Variants in CSTF3 observed in about 807,000 individuals in gnomAD.
CSTF3 encodes the protein CF-1 77 kDa subunit.
In CSTF3, 29 loss-of-function variants were observed where a neutral mutation model predicts 105.8. The ratio of observed to expected loss-of-function variants is 0.27; its 90% CI spans 0.20 to 0.37. The LOEUF is 0.37. Ranked by LOEUF, CSTF3 falls within the 10% of genes least tolerant of loss-of-function variation. The probability of loss-of-function intolerance (pLI) is 1.00; values close to 1 mark genes in which losing one functional copy is unlikely to be tolerated. For synonymous variants in CSTF3, 252 were observed against 281.9 expected (o/e 0.89, Z 1.06); for missense variants, 357 against 879.3 (o/e 0.41, Z 7.51).
Position 33,099,972 on chromosome 11 carries a change from C to T in CSTF3, c.827-255G>A, listed in dbSNP as rs771334450. ...GCAGTGGCACAAATATGGTTCACTGCAGCCTCGACCTCCTGGGCTCAAGTG... is the reference window on the plus strand; with the variant it reads ...GCAGTGGCACAAATATGGTTCACTGTAGCCTCGACCTCCTGGGCTCAAGTG... On this transcript the variant is annotated intron_variant, in intron 10 of 20. Transcript: ENST00000323959. This position sits in a 1 kb window ranked among gnomAD's most constrained non-coding sequence, Gnocchi z 4.1. 2.6e-4 allele frequency among the ~76,000 whole-genome samples: 39 copies of T among 152,258 alleles called. No homozygotes were observed. Among genetic ancestry groups the T allele is most frequent in the Admixed American group, 1.8e-3 (28 of 15,296 alleles).
rs146477554 is a variant in CSTF3, at chr11:33,113,453, C to T, written c.226-5035G>A. On this transcript the variant is annotated intron_variant, in intron 3 of 20. Transcript: ENST00000323959. ...ATTGCTTGAGCCCAGAAGTTTAAGG[C>T]TGCAGTGTGCTATGATCACACCATT... 5.4e-3 allele frequency among the ~76,000 whole-genome samples: 816 copies of T among 151,964 alleles called. 7 individuals carry two copies. Among genetic ancestry groups the T allele is most frequent in the African/African-American group, 0.019 (780 of 41,448 alleles).
At chr11:33,104,880 T>A (rs775296457) in intron 8 of CSTF3, among the ~76,000 whole-genome samples, 1 of 152,210 alleles carries the variant, frequency 6.6e-6, no homozygotes, top group Non-Finnish European at 1.5e-5. Context: ...CTACCCTATA[T>A]AGTTCTTCCA....
At chr11:33,100,409 C>T (rs1308818373) in intron 10 of CSTF3, among the ~76,000 whole-genome samples, 2 of 150,832 alleles carry the variant, frequency 1.3e-5, no homozygotes, top group African/African-American at 4.9e-5. Context: ...GTTGCCAAGG[C>T]TTGTCTTGAA....
chr11:33,125,973 A>C (rs1163623749), intron 3 of CSTF3, among the ~76,000 whole-genome samples: 1 of 152,222 alleles, frequency 6.6e-6, no homozygotes, highest in African/African-American at 2.4e-5. Context: ...TTTCAGTGAG[A>C]GAGCTAATCT....
intron 8 of CSTF3, 134 bp from the exon 9 acceptor site, chr11:33,103,318 C>G (rs994775696): frequency 6.5e-6 from 3 of 459,864 alleles, no homozygotes; most frequent in Non-Finnish European, 1.1e-5. Flanking sequence ...AAGGTTCATA[C>G]AGCTCATGAA....
intron 3 of CSTF3, among the ~76,000 whole-genome samples, chr11:33,112,805 C>A (rs575743285): frequency 2.0e-5 from 3 of 152,228 alleles, no homozygotes; most frequent in South Asian, 2.1e-4. Context: ...AAAAAAAATT[C>A]TTGATACCTA....
chr11:33,114,739 T>C (rs1247135034), intron 3 of CSTF3, among the ~76,000 whole-genome samples: 2 of 151,902 alleles, frequency 1.3e-5, no homozygotes. Flanking sequence ...TAATCCCAGC[T>C]ACTTGGGAGG....
At chr11:33,113,206 A>AAAATAAATAAATAAAT (rs61101354) in intron 3 of CSTF3, among the ~76,000 whole-genome samples, 86 of 147,250 alleles carry the variant, frequency 5.8e-4, no homozygotes, top group African/African-American at 1.9e-3. Context: ...ACTTTGTCTC[A>AAAATAAATAAATAAAT]AAATAAATAA....
At chr11:33,085,587 G>T in intron 20 of CSTF3, 126 bp downstream of exon 20, 1 of 823,614 alleles carries the variant, frequency 1.2e-6, no homozygotes, top group Non-Finnish European at 2.0e-6. Context: ...GGTAACTCCT[G>T]GGTTTCACTG....
At chr11:33,154,330 A>G (rs1259862755) in intron 1 of CSTF3, among the ~76,000 whole-genome samples, 1 of 152,144 alleles carries the variant, frequency 6.6e-6, no homozygotes, top group Non-Finnish European at 1.5e-5. Flanking sequence ...GTCACGTTTC[A>G]TTAAAAATAA....
chr11:33,133,732 T>C (rs1316750225), intron 3 of CSTF3, among the ~76,000 whole-genome samples: 1 of 152,078 alleles, frequency 6.6e-6, no homozygotes, highest in East Asian at 1.9e-4. Context: ...GTCCCAGCTA[T>C]TCAGGAGGCT....
chr11:33,088,224 A>AAAT (rs1247708990), intron 17 of CSTF3, among the ~76,000 whole-genome samples: 1 of 152,154 alleles, frequency 6.6e-6, no homozygotes, highest in Admixed American at 6.5e-5. Context: ...AAAAGAGTAG[A>AAAT]AATAGAAATA....
intron 3 of CSTF3, among the ~76,000 whole-genome samples, chr11:33,123,043 T>C (rs559729285): frequency 6.6e-6 from 1 of 152,028 alleles, no homozygotes; most frequent in African/African-American, 2.4e-5. Context: ...TTCCTTCCAT[T>C]TCTGACAATG....
chr11:33,085,663 T>G, intron 20 of CSTF3, 50 bp downstream of exon 20: 629 of 1,470,494 alleles, frequency 4.3e-4, no homozygotes, highest in Non-Finnish European at 5.5e-4. Flanking sequence ...CTACTGCCTA[T>G]GAGACAACAA....
chr11:33,136,174 G>A (rs1855651081), intron 3 of CSTF3: 1 of 152,280 alleles, frequency 6.6e-6, no homozygotes, highest in South Asian at 2.1e-4. Context: ...TGTATTCAAA[G>A]CAAATATTCA....
chr11:33,161,401 C>A lies in CSTF3; in HGVS notation c.-76G>T. On this transcript the variant is annotated 5_prime_UTR_variant, in exon 1 of 21. Transcript: ENST00000323959. ...AAGAAAAATTAAACTAAAAACCACC[C>A]CCAAATCAGTAAAGTTACCCCCTGC... The A allele has an allele frequency of 1.3e-6, 2 of 1,537,236 alleles. No individual in the cohort carries two copies. Among genetic ancestry groups the A allele is most frequent in the East Asian group, 4.5e-5 (2 of 44,380 alleles).
rs1855094615 is a variant in CSTF3, at chr11:33,085,385, TAGC to T, written c.1952-99_1952-97del. 12 of 1,016,182 alleles carry T rather than the reference TAGC, an allele frequency of 1.2e-5. No homozygotes were observed. The South Asian group carries it at 1.7e-4, about 14-fold the overall frequency. 62.9% of individuals were successfully genotyped at this position (1,016,182 alleles called of 1,614,324 possible). A position where few individuals can be genotyped will look rare whatever the true frequency, so the allele number is the denominator to read the frequency against. ...TACTTTATTTCATAGCCTACTATTT[TAGC>T]AAAACATGGGATAGTACTACTGATA... On this transcript the variant is annotated intron_variant, in intron 20 of 20. Transcript: ENST00000323959.
intron 3 of CSTF3, among the ~76,000 whole-genome samples, chr11:33,120,589 T>C (rs1855476223): frequency 6.6e-6 from 1 of 151,898 alleles, no homozygotes; most frequent in African/African-American, 2.4e-5. Flanking sequence ...GTGTATTTTC[T>C]CAGTAGTCCA....
Position 33,108,204 on chromosome 11 carries a change from C to T in CSTF3, c.258+182G>A, listed in dbSNP as rs550671065. ...CAGGGGAGTATAATTATTTTCTTTT[C>T]CTTTTCCAAAACTTTTATGATGAAC... On this transcript the variant is annotated intron_variant, in intron 4 of 20. Transcript: ENST00000323959. 1.2e-4 allele frequency among the ~76,000 whole-genome samples: 18 copies of T among 152,128 alleles called. 1 individual carries two copies. The highest frequency in any genetic ancestry group is 1.0e-3 in the Admixed American group (16 of 15,276).
Sources: gnomAD v4.1 joint callset for allele counts (sites outside exome capture counted in the v4.1 genomes callset) on GRCh38, gnomAD v4.1.1 for gene constraint, Gnocchi (gnomAD v3.1) non-coding constraint, MANE v1.5 for transcripts, NCBI Gene and HGNC (gene_info 2026-07-23, HGNC 2026-07-21) for gene names.